ADAM9: variants seen among roughly 807,000 people sequenced by gnomAD.
ADAM9 encodes the protein disintegrin and metalloproteinase domain-containing protein 9.
Under a neutral mutation model 108.1 loss-of-function variants are expected in ADAM9, and 54 were observed. That is an observed-to-expected ratio of 0.50 (90% CI 0.40 to 0.63). The LOEUF (loss-of-function observed/expected upper bound fraction) is 0.63. Among genes scored for constraint, ADAM9 ranks in the 20% least tolerant of loss-of-function variants. The pLI, the probability that ADAM9 is intolerant of heterozygous loss-of-function variation, is 0.00. For synonymous variants in ADAM9, 316 were observed against 336.0 expected (o/e 0.94, Z 0.65); for missense variants, 830 against 997.7 (o/e 0.83, Z 2.26).
chr8:39,063,319 T>C (rs1310052354), intron 14 of ADAM9, among the ~76,000 whole-genome samples: 5 of 152,158 alleles, frequency 3.3e-5, no homozygotes, highest in African/African-American at 4.8e-5. Context: ...CTGAGGGAAA[T>C]TGGCATTATC....
At chr8:39,003,484 T>TAA (rs1564216002) in intron 1 of ADAM9, among the ~76,000 whole-genome samples, 3 of 63,594 alleles carry the variant, frequency 4.7e-5, no homozygotes, top group African/African-American at 2.2e-4. Flanking sequence ...TATTTGGAAT[T>TAA]TAAAAAAAAA....
rs1836799119 is a variant in ADAM9, at chr8:39,023,103, T to C, written c.745-53T>C. ...CGTGTTACTTCATGTGGTTAAAAGA[T>C]TTTTCTCACGTTCTTTACTATATTT... On this transcript the variant is annotated intron_variant, in intron 8 of 21. Transcript: ENST00000487273. 2.7e-6 allele frequency: 4 copies of C among 1,504,258 alleles called. No individual in the cohort carries two copies. In the Admixed American group the frequency reaches 7.3e-5, roughly 27 times the overall value. 93.2% of individuals were successfully genotyped at this position (1,504,258 alleles called of 1,614,324 possible).
chr8:39,054,893 A>T (rs1272484890), intron 13 of ADAM9, among the ~76,000 whole-genome samples: 1 of 152,180 alleles, frequency 6.6e-6, no homozygotes, highest in Admixed American at 6.5e-5. Context: ...TCTTCAGGTA[A>T]CCACTGTTGA....
chr8:39,092,507 TC>T (rs952353098), intron 20 of ADAM9, among the ~76,000 whole-genome samples: 49 of 152,284 alleles, frequency 3.2e-4, no homozygotes, highest in Admixed American at 2.7e-3. Flanking sequence ...TTCAAAATTA[TC>T]TGTATACTCT....
At position 39,054,536 on chromosome 8, in the gene ADAM9, C is replaced by T; in HGVS notation, c.1358C>T (p.Ala453Val). Residue 453 changes from alanine (A) to valine (V), a missense_variant, in exon 13 of 22, where the codon GCT becomes GTT. By Grantham distance (64) the Ala-to-Val change is moderately conservative (BLOSUM62 0). Coordinates refer to ENST00000487273, the MANE Select transcript of ADAM9 (RefSeq NM_003816.3). Reference protein sequence around the residue: ...EGSTCKLKSFAECAYGDCCKD... With the variant: ...EGSTCKLKSFVECAYGDCCKD... ...AGTACCTGTAAGCTTAAATCATTTG[C>T]TGAGTGTGCATATGGTGACTGTTGT... The T allele has an allele frequency of 6.2e-7, 1 of 1,604,236 alleles. No individual in the cohort carries two copies. The highest frequency in any genetic ancestry group is 8.5e-7 in the Non-Finnish European group (1 of 1,177,002).
chr8:38,997,457 C>T (rs1380644869), intron 1 of ADAM9, among the ~76,000 whole-genome samples: 1 of 152,190 alleles, frequency 6.6e-6, no homozygotes, highest in Non-Finnish European at 1.5e-5. Context: ...CCCCGGGTCC[C>T]CCAGACGCCC....
chr8:39,021,783 A>T, intron 8 of ADAM9, 69 bp downstream of exon 8: 2 of 1,396,534 alleles, frequency 1.4e-6, no homozygotes, highest in Non-Finnish European at 2.0e-6. Flanking sequence ...AGAACTTAAA[A>T]ATGTCTCATT....
chr8:39,085,857 A>T, intron 18 of ADAM9, among the ~76,000 whole-genome samples: 1 of 151,602 alleles, frequency 6.6e-6, no homozygotes, highest in East Asian at 1.9e-4. Context: ...AATTTGGAAA[A>T]TTTTTGGCCA....
chr8:39,088,029 A>G (rs1839229853), intron 18 of ADAM9, among the ~76,000 whole-genome samples: 1 of 152,190 alleles, frequency 6.6e-6, no homozygotes, highest in Non-Finnish European at 1.5e-5. Context: ...ATCATAAGAG[A>G]AAATATATAT....
At chr8:39,033,741 T>G (rs1419030520) in intron 11 of ADAM9, among the ~76,000 whole-genome samples, 5 of 152,170 alleles carry the variant, frequency 3.3e-5, no homozygotes, top group Non-Finnish European at 5.9e-5. Flanking sequence ...AATCTCAGTT[T>G]CAAAGTTATT....
At chr8:39,033,495 T>TG (rs1160079415) in intron 11 of ADAM9, among the ~76,000 whole-genome samples, 2 of 151,260 alleles carry the variant, frequency 1.3e-5, no homozygotes, top group East Asian at 3.9e-4. Context: ...TGACAGTGTG[T>TG]TTTTTTTTAT....
chr8:39,083,066 A>G lies in ADAM9; in HGVS notation c.2061A>G (p.Thr687=), dbSNP rs1261748044. The G allele has an allele frequency of 1.2e-6, 2 of 1,613,450 alleles. No homozygotes were observed. The highest frequency in any genetic ancestry group is 1.1e-5 in the South Asian group (1 of 91,050). ...GAGGAAGTGTGGACAGTGGACCTAC[A>G]TACAATGGCAAGTAATATAGAAGAA... ...GYGGSVDSGP[T]YNEMNTALRD... The change falls in exon 18 of 22, where the codon ACA becomes ACG. Residue 687 remains threonine, a synonymous_variant. Coordinates refer to ENST00000487273, the MANE Select transcript of ADAM9 (RefSeq NM_003816.3).
chr8:39,070,152 CAAAA>C (rs5891052), intron 14 of ADAM9, among the ~76,000 whole-genome samples: 10 of 81,420 alleles, frequency 1.2e-4, no homozygotes, highest in African/African-American at 2.9e-4. Context: ...GACTCTGTCT[CAAAA>C]AAAAAAAAAA....
At chr8:39,048,067 C>T (rs918339373) in intron 12 of ADAM9, among the ~76,000 whole-genome samples, 7 of 151,668 alleles carry the variant, frequency 4.6e-5, no homozygotes, top group Non-Finnish European at 7.4e-5. Context: ...ATTACAGGCG[C>T]GCACCACCAT....
Position 39,083,063 on chromosome 8 carries a change from T to C in ADAM9, c.2058T>C (p.Pro686=). ...ACGGAGGAAGTGTGGACAGTGGACC[T>C]ACATACAATGGCAAGTAATATAGAA... is the stretch of plus-strand genomic sequence containing the variant. ...KGYGGSVDSG[P]TYNEMNTALR... The change falls in exon 18 of 22, where the codon CCT becomes CCC. Residue 686 remains proline, a synonymous_variant. Transcript: ENST00000487273. The C allele has an allele frequency of 6.2e-7, 1 of 1,613,562 alleles. No homozygotes were observed. The highest frequency in any genetic ancestry group is 8.5e-7 in the Non-Finnish European group (1 of 1,179,548).
At chr8:39,012,015 A>G (rs1472825317) in intron 3 of ADAM9, among the ~76,000 whole-genome samples, 1 of 152,228 alleles carries the variant, frequency 6.6e-6, no homozygotes, top group Admixed American at 6.5e-5. Flanking sequence ...GTGACTGAAT[A>G]GGGTCCAATT....
In ADAM9 at chr8:39,087,278, T is replaced by C. The variant is rs149556298; in HGVS notation, c.2069-2769T>C. On this transcript the variant is annotated intron_variant, in intron 18 of 21. Transcript: ENST00000487273. The stretch of plus-strand genomic sequence containing the variant: ...GCCTCTCAGGGATCATTGCTCTTTG[T>C]TGCCTGATGTCCAGTGTCTTGAAAA... Among the ~76,000 whole-genome samples the C allele has an allele frequency of 1.4e-3, 216 of 152,326 alleles. 3 individuals carry two copies. The highest frequency in any genetic ancestry group is 0.012 in the Admixed American group (182 of 15,298).
At chr8:39,017,553 G>A (rs1477992216) in intron 6 of ADAM9, 139 bp downstream of exon 6, 1 of 802,692 alleles carries the variant, frequency 1.2e-6, no homozygotes, top group Non-Finnish European at 2.1e-6. Context: ...CATTGTGATA[G>A]GTACTAGGGG....
chr8:39,017,242 C>A lies in ADAM9; in HGVS notation c.434C>A (p.Ala145Glu), dbSNP rs768450851. The A allele has an allele frequency of 1.3e-5, 21 of 1,613,914 alleles. No homozygotes were observed. The highest frequency in any genetic ancestry group is 1.6e-4 in the Middle Eastern group (1 of 6,084). The part of the protein sequence containing the change: ...GLRGLLHLEN[A>E]SYGIEPLQNS... ...AGAGGATTGCTGCATTTAGAGAATGCGAGTTATGGGATTGAACCCCTGCAG... is the reference window on the plus strand; with the variant it reads ...AGAGGATTGCTGCATTTAGAGAATGAGAGTTATGGGATTGAACCCCTGCAG... Residue 145 changes from alanine to glutamate, a missense_variant, in exon 6 of 22, where the codon GCG (alanine) becomes GAG (glutamate). Around this residue, in one of 3 missense-constraint regions of ADAM9, gnomAD observed 211 missense variants for 222.2 expected, o/e 0.95. Transcript: ENST00000487273.
Sources: allele counts gnomAD v4.1 joint callset (sites outside exome capture counted in the v4.1 genomes callset), GRCh38; gene constraint gnomAD v4.1.1; regional missense constraint gnomAD v4.1.1; transcripts MANE v1.5; gene names NCBI Gene and HGNC (gene_info 2026-07-23, HGNC 2026-07-21).